LOC128706666: variants seen among roughly 807,000 people sequenced by gnomAD.
the LOC128706666 span, among the ~76,000 whole-genome samples, chr20:10,425,578 A>G: frequency 6.6e-6 from 1 of 152,256 alleles, no homozygotes; most frequent in Non-Finnish European, 1.5e-5. Flanking sequence ...AGCTATTTAC[A>G]GTTTGCCTTG....
chr20:10,419,094 A>G, the LOC128706666 span, among the ~76,000 whole-genome samples: 3 of 152,176 alleles, frequency 2.0e-5, no homozygotes, highest in South Asian at 6.2e-4. Context: ...TAATTATACC[A>G]AAAGTCAAAA....
At chr20:10,415,839 A>C in the LOC128706666 span, among the ~76,000 whole-genome samples, 1 of 152,030 alleles carries the variant, frequency 6.6e-6, no homozygotes, top group Non-Finnish European at 1.5e-5. Context: ...ACCAGTACAC[A>C]TATCTTTTGG....
At chr20:10,432,940 G>A in the LOC128706666 span, among the ~76,000 whole-genome samples, 1 of 152,232 alleles carries the variant, frequency 6.6e-6, no homozygotes, top group African/African-American at 2.4e-5. Context: ...AGTGTTTAGG[G>A]AATGACAAGA....
At chr20:10,415,288 AATCT>A in the LOC128706666 span, among the ~76,000 whole-genome samples, 1 of 152,078 alleles carries the variant, frequency 6.6e-6, no homozygotes, top group Non-Finnish European at 1.5e-5. Flanking sequence ...AAATGAAACA[AATCT>A]ATTTAGCCTA....
chr20:10,425,516 A>G, the LOC128706666 span, among the ~76,000 whole-genome samples: 1 of 152,254 alleles, frequency 6.6e-6, no homozygotes, highest in Non-Finnish European at 1.5e-5. Flanking sequence ...AGAAAGGTTC[A>G]TGATACTGAG....
the LOC128706666 span, among the ~76,000 whole-genome samples, chr20:10,417,698 A>T: frequency 6.6e-6 from 1 of 152,226 alleles, no homozygotes; most frequent in Non-Finnish European, 1.5e-5. Context: ...CATCATCATC[A>T]AAAGTGGATC....
chr20:10,422,798 G>A, the LOC128706666 span, among the ~76,000 whole-genome samples: 1 of 150,456 alleles, frequency 6.6e-6, no homozygotes, highest in African/African-American at 2.5e-5. Context: ...TGCAAGCTCC[G>A]CCTCCCAGGT....
chr20:10,424,387 T>A, the LOC128706666 span, among the ~76,000 whole-genome samples: 2 of 152,088 alleles, frequency 1.3e-5, no homozygotes, highest in Non-Finnish European at 2.9e-5. Flanking sequence ...AGACTTCATC[T>A]CTATTTTAAA....
At chr20:10,432,441 T>C in the LOC128706666 span, among the ~76,000 whole-genome samples, 2 of 152,232 alleles carry the variant, frequency 1.3e-5, no homozygotes, top group South Asian at 2.1e-4. Flanking sequence ...ATTTGGGGGA[T>C]TGCATCCAGG....
chr20:10,417,699 A>G, the LOC128706666 span, among the ~76,000 whole-genome samples: 1 of 152,234 alleles, frequency 6.6e-6, no homozygotes, highest in African/African-American at 2.4e-5. Flanking sequence ...ATCATCATCA[A>G]AAGTGGATCA....
the LOC128706666 span, chr20:10,420,742 C>T: frequency 6.6e-6 from 1 of 152,160 alleles, no homozygotes; most frequent in South Asian, 2.1e-4. Flanking sequence ...GCTCATAGTA[C>T]TTCAGCATCA....
chr20:10,433,212 G>A, the LOC128706666 span, among the ~76,000 whole-genome samples: 1 of 152,226 alleles, frequency 6.6e-6, no homozygotes, highest in Non-Finnish European at 1.5e-5. Context: ...CGCCACGTTG[G>A]CCTGGCTGGC....
chr20:10,420,888 T>C, the LOC128706666 span: 1 of 152,196 alleles, frequency 6.6e-6, no homozygotes, highest in East Asian at 1.9e-4. Context: ...TTTTAAATTA[T>C]AATACATTGC....
the LOC128706666 span, among the ~76,000 whole-genome samples, chr20:10,421,012 T>C: frequency 8.5e-5 from 13 of 152,194 alleles, no homozygotes; most frequent in Admixed American, 3.9e-4. Flanking sequence ...AGGAGCAACA[T>C]TACCTGCTGG....
the LOC128706666 span, among the ~76,000 whole-genome samples, chr20:10,426,711 C>CT: frequency 6.6e-6 from 1 of 152,172 alleles, no homozygotes; most frequent in Non-Finnish European, 1.5e-5. Flanking sequence ...ATGTCCTTGG[C>CT]TGATTTTCAT....
At chr20:10,422,542 A>G in the LOC128706666 span, among the ~76,000 whole-genome samples, 2 of 152,190 alleles carry the variant, frequency 1.3e-5, no homozygotes, top group African/African-American at 4.8e-5. Flanking sequence ...TAGGAGGGAC[A>G]GAGGCTGCAC....
the LOC128706666 span, among the ~76,000 whole-genome samples, chr20:10,423,622 A>G: frequency 6.6e-6 from 1 of 152,230 alleles, no homozygotes; most frequent in Non-Finnish European, 1.5e-5. Context: ...CTCTTTGAGA[A>G]GAGTGAAAAT....
chr20:10,431,372 C>T, the LOC128706666 span, among the ~76,000 whole-genome samples: 779 of 152,202 alleles, frequency 5.1e-3, 4 homozygotes, highest in Non-Finnish European at 8.2e-3. Context: ...TCCAAATGCT[C>T]ACTTAGTGTC....
the LOC128706666 span, among the ~76,000 whole-genome samples, chr20:10,433,553 G>GT: frequency 6.6e-6 from 1 of 152,202 alleles, no homozygotes; most frequent in African/African-American, 2.4e-5. Flanking sequence ...CAGGATTTGG[G>GT]TATGGTCTTA....
Sources: gnomAD v4.1 joint callset for allele counts (sites outside exome capture counted in the v4.1 genomes callset) on GRCh38, gnomAD v4.1.1 for gene constraint, MANE v1.5 for transcripts.